The following ZMAT4 variants were observed in gnomAD, a reference collection of about 807,000 sequenced individuals.
ZMAT4 encodes zinc finger matrin-type 4, also known as zinc finger matrin-type protein 4.
A neutral mutation model predicts 28.7 loss-of-function variants in ZMAT4; 17 were observed. The ratio of observed to expected loss-of-function variants is 0.59; its 90% CI spans 0.41 to 0.89. The LOEUF (loss-of-function observed/expected upper bound fraction) is 0.89. ZMAT4 is among the 40% of genes least tolerant of loss of function. The pLI, the probability that ZMAT4 is intolerant of heterozygous loss-of-function variation, is 0.00. For synonymous variants in ZMAT4, 117 were observed against 109.2 expected, an observed-to-expected ratio of 1.07 and a Z score of -0.44; for missense variants, 240 against 283.8, an observed-to-expected ratio of 0.85 and a Z score of 1.11.
chr8:40,595,596 T>C (rs558171467), intron 5 of ZMAT4, among the ~76,000 whole-genome samples: 3 of 152,162 alleles, frequency 2.0e-5, no homozygotes, highest in Admixed American at 6.5e-5. Context: ...CTGTAGGCCA[T>C]TATTATGCAA....
intron 5 of ZMAT4, among the ~76,000 whole-genome samples, chr8:40,601,760 GA>G (rs1368407479): frequency 6.6e-6 from 1 of 152,064 alleles, no homozygotes; most frequent in Non-Finnish European, 1.5e-5. Context: ...GGCAAAGGTA[GA>G]AGGCAAGGGA....
In ZMAT4 at chr8:40,611,167, A is replaced by G. The variant is rs191324885; in HGVS notation, c.578-29906T>C. Reference sequence around the variant, plus strand: ...TTATTTGACTTTGCTCTTTCATTTTAGCATAAAAGCATAAGTATTCCATTC... The same window carrying G: ...TTATTTGACTTTGCTCTTTCATTTTGGCATAAAAGCATAAGTATTCCATTC... On this transcript the variant is annotated intron_variant, in intron 5 of 6. Coordinates refer to ENST00000297737, the MANE Select transcript of ZMAT4 (RefSeq NM_024645.3). Among the ~76,000 whole-genome samples, 10 of 152,324 alleles carry G rather than the reference A, an allele frequency of 6.6e-5. No individual in the cohort carries two copies. In the East Asian group the frequency reaches 1.4e-3, roughly 21 times the overall value.
At chr8:40,788,276 C>T (rs540927261) in intron 2 of ZMAT4, among the ~76,000 whole-genome samples, 3 of 148,124 alleles carry the variant, frequency 2.0e-5, no homozygotes, top group Non-Finnish European at 4.6e-5. Context: ...CCTGAAAAAA[C>T]AAACTACCAA....
At chr8:40,651,412 T>C (rs1353788771) in intron 5 of ZMAT4, among the ~76,000 whole-genome samples, 1 of 151,492 alleles carries the variant, frequency 6.6e-6, no homozygotes, top group Non-Finnish European at 1.5e-5. Flanking sequence ...AAACCACTGC[T>C]CAAGGAAATA....
chr8:40,886,412 T>G (rs1316235219), intron 1 of ZMAT4, among the ~76,000 whole-genome samples: 1 of 152,202 alleles, frequency 6.6e-6, no homozygotes, highest in African/African-American at 2.4e-5. Context: ...GAGTCCTGGC[T>G]GCAGCCCAGG....
At chr8:40,740,144 C>A (rs1811939267) in intron 3 of ZMAT4, among the ~76,000 whole-genome samples, 2 of 152,098 alleles carry the variant, frequency 1.3e-5, no homozygotes, top group Non-Finnish European at 2.9e-5. Context: ...ATTTATAATC[C>A]TTTGGGTATA....
chr8:40,638,551 G>A (rs922632419), intron 5 of ZMAT4, among the ~76,000 whole-genome samples: 4 of 152,286 alleles, frequency 2.6e-5, no homozygotes, highest in Middle Eastern at 3.4e-3. Flanking sequence ...TTGTTATAAG[G>A]AACAGTGTTC....
intron 3 of ZMAT4, among the ~76,000 whole-genome samples, chr8:40,757,552 C>T (rs890766160): frequency 2.0e-5 from 3 of 150,284 alleles, no homozygotes; most frequent in Non-Finnish European, 3.0e-5. Context: ...TGCCACTGCA[C>T]TCCAGGCTGG....
intron 4 of ZMAT4, among the ~76,000 whole-genome samples, chr8:40,688,178 C>CG (rs1233121705): frequency 6.6e-6 from 1 of 152,014 alleles, no homozygotes; most frequent in South Asian, 2.1e-4. Flanking sequence ...TAAAATAGGC[C>CG]GGGGGGCGGT....
intron 1 of ZMAT4, among the ~76,000 whole-genome samples, chr8:40,883,603 G>A (rs568038373): frequency 6.6e-6 from 1 of 152,250 alleles, no homozygotes; most frequent in East Asian, 1.9e-4. Flanking sequence ...TAGAGAAGGT[G>A]GCCTTCCTCT....
At chr8:40,881,479 GAAAGAAAGAAAGAAAGAA>G (rs1366332943) in intron 1 of ZMAT4, among the ~76,000 whole-genome samples, 1 of 140,804 alleles carries the variant, frequency 7.1e-6, no homozygotes, top group Non-Finnish European at 1.5e-5. Flanking sequence ...AAGAAAGAAA[GAAAGAAAGAAAGAAAGAA>G]AGAGGAAGGA....
intron 1 of ZMAT4, among the ~76,000 whole-genome samples, chr8:40,831,767 G>A (rs78028876): frequency 0.036 from 5,535 of 152,246 alleles, 223 homozygotes; most frequent in East Asian, 0.2. Context: ...GCCACTCCGT[G>A]TGACTGTGCA....
At chr8:40,810,683 G>A (rs1815280341) in intron 2 of ZMAT4, among the ~76,000 whole-genome samples, 1 of 152,082 alleles carries the variant, frequency 6.6e-6, no homozygotes, top group Admixed American at 6.5e-5. Flanking sequence ...ACAAACTGTA[G>A]AGCAAAATGT....
At chr8:40,561,889 T>C (rs1364630296) in intron 6 of ZMAT4, among the ~76,000 whole-genome samples, 1 of 152,156 alleles carries the variant, frequency 6.6e-6, no homozygotes, top group East Asian at 1.9e-4. Context: ...TGGACACCCT[T>C]GGTAAGGTCT....
At chr8:40,721,117 A>G (rs1431466888) in intron 3 of ZMAT4, among the ~76,000 whole-genome samples, 10 of 122,308 alleles carry the variant, frequency 8.2e-5, no homozygotes, top group Non-Finnish European at 1.2e-4. Context: ...TCCCAATGCT[A>G]TCCCTCCCCC....
At chr8:40,703,681 T>G (rs567819315) in intron 3 of ZMAT4, among the ~76,000 whole-genome samples, 7 of 152,276 alleles carry the variant, frequency 4.6e-5, no homozygotes, top group African/African-American at 1.7e-4. Flanking sequence ...CACACGGCTC[T>G]GTGAATATAC....
At chr8:40,557,664 C>A (rs891344848) in intron 6 of ZMAT4, among the ~76,000 whole-genome samples, 2 of 152,130 alleles carry the variant, frequency 1.3e-5, no homozygotes, top group Non-Finnish European at 2.9e-5. Context: ...CAAGGCATTT[C>A]CCACCTTATA....
intron 5 of ZMAT4, among the ~76,000 whole-genome samples, chr8:40,599,867 C>T (rs1172883432): frequency 2.0e-5 from 3 of 152,196 alleles, no homozygotes; most frequent in Non-Finnish European, 4.4e-5. Context: ...CCGGTCCCTT[C>T]TGTTATCTTT....
chr8:40,821,785 T>C (rs574573656), intron 2 of ZMAT4, among the ~76,000 whole-genome samples: 2 of 152,332 alleles, frequency 1.3e-5, no homozygotes, highest in Admixed American at 1.3e-4. Context: ...GCCAAATGCT[T>C]AAGAGCCTCA....
Sources: allele counts gnomAD v4.1 joint callset (sites outside exome capture counted in the v4.1 genomes callset), GRCh38; gene constraint gnomAD v4.1.1; transcripts MANE v1.5; gene names NCBI Gene and HGNC (gene_info 2026-07-23, HGNC 2026-07-21).